CDC42BPA: variants seen among roughly 807,000 people sequenced by gnomAD.
The protein encoded by CDC42BPA is serine/threonine-protein kinase MRCK alpha.
CDC42BPA carries 80 observed loss-of-function variants against 223.5 expected under a neutral mutation model. That is an observed-to-expected ratio of 0.36 (90% CI 0.30 to 0.43). The LOEUF (loss-of-function observed/expected upper bound fraction) is 0.43, where lower values mean the gene tolerates loss of function less well. Among genes scored for constraint, CDC42BPA ranks in the 20% least tolerant of loss-of-function variants. The probability of loss-of-function intolerance (pLI) is 1.00; values close to 1 mark genes in which losing one functional copy is unlikely to be tolerated. For synonymous variants in CDC42BPA, 694 were observed against 718.6 expected, an observed-to-expected ratio of 0.97 and a Z score of 0.55; for missense variants, 1,743 against 2,099.9, an observed-to-expected ratio of 0.83 and a Z score of 3.32.
chr1:227,005,222 A>G (rs986124945), intron 34 of CDC42BPA, 111 bp from the exon 35 acceptor site: 3 of 758,576 alleles, frequency 4.0e-6, no homozygotes, highest in Non-Finnish European at 6.9e-6. Flanking sequence ...CTTGACCAGA[A>G]TGACACAGAG....
chr1:227,302,370 T>G (rs1469487700), intron 1 of CDC42BPA, among the ~76,000 whole-genome samples: 1 of 152,192 alleles, frequency 6.6e-6, no homozygotes, highest in African/African-American at 2.4e-5. Context: ...AATGTCCTTA[T>G]CCCGCCCTCA....
At chr1:227,061,699 A>G (rs1262913459) in intron 21 of CDC42BPA, among the ~76,000 whole-genome samples, 1 of 152,190 alleles carries the variant, frequency 6.6e-6, no homozygotes, top group East Asian at 1.9e-4. Flanking sequence ...CTGCTCTTCT[A>G]GTTTTTCTGA....
At chr1:227,235,997 C>T (rs1376360189) in intron 2 of CDC42BPA, among the ~76,000 whole-genome samples, 3 of 152,162 alleles carry the variant, frequency 2.0e-5, no homozygotes, top group South Asian at 2.1e-4. Context: ...CTCCTGGGGT[C>T]CCTGAATCAG....
In CDC42BPA at chr1:227,037,629, C is replaced by T. The variant is rs1002593047; in HGVS notation, c.3200-2022G>A. Among the ~76,000 whole-genome samples the T allele has an allele frequency of 6.6e-5, 10 of 152,276 alleles. No individual in the cohort carries two copies. In the East Asian group the frequency reaches 9.6e-4, roughly 15 times the overall value. Reference sequence around the variant, plus strand: ...AACACATGCATCTGATGGGGATGGGCTACATTTCCTTTAAGGTCCCTTCCC... The same window carrying T: ...AACACATGCATCTGATGGGGATGGGTTACATTTCCTTTAAGGTCCCTTCCC... On this transcript the variant is annotated intron_variant, in intron 24 of 36. Transcript: ENST00000366766.
At chr1:227,267,752 C>T (rs976683610) in intron 1 of CDC42BPA, among the ~76,000 whole-genome samples, 1 of 152,184 alleles carries the variant, frequency 6.6e-6, no homozygotes, top group South Asian at 2.1e-4. Flanking sequence ...GGCAATGCCA[C>T]TTTTAAAACC....
chr1:227,060,019 A>ATTT (rs1675460660), intron 21 of CDC42BPA, among the ~76,000 whole-genome samples: 1 of 116,494 alleles, frequency 8.6e-6, no homozygotes, highest in African/African-American at 3.1e-5. Flanking sequence ...TATCTCAAAA[A>ATTT]GTTTTTTTTT....
intron 1 of CDC42BPA, among the ~76,000 whole-genome samples, chr1:227,282,435 T>C (rs1291040715): frequency 6.6e-6 from 1 of 152,224 alleles, no homozygotes; most frequent in African/African-American, 2.4e-5. Flanking sequence ...CTTCCAGTGT[T>C]TACTGTTACA....
At chr1:226,997,527 T>C (rs1463834832) in intron 35 of CDC42BPA, among the ~76,000 whole-genome samples, 1 of 152,200 alleles carries the variant, frequency 6.6e-6, no homozygotes, top group African/African-American at 2.4e-5. Context: ...CTCTAGTTCT[T>C]TTAATTGTGA....
At chr1:227,013,438 T>A (rs1001954742) in intron 34 of CDC42BPA, among the ~76,000 whole-genome samples, 4 of 151,994 alleles carry the variant, frequency 2.6e-5, no homozygotes, top group Non-Finnish European at 4.4e-5. Context: ...GAAGAAAATG[T>A]AGAGGAGGGA....
At chr1:227,186,256 C>T (rs1668757192) in intron 5 of CDC42BPA, among the ~76,000 whole-genome samples, 1 of 152,128 alleles carries the variant, frequency 6.6e-6, no homozygotes, top group Non-Finnish European at 1.5e-5. Context: ...TAGTGAATAC[C>T]AGAGAAACAT....
rs185627175 is a variant in CDC42BPA, at chr1:227,152,856, A to G, written c.694-5297T>C. Among the ~76,000 whole-genome samples the G allele has an allele frequency of 3.3e-5, 5 of 152,264 alleles. No individual in the cohort carries two copies. In the East Asian group the frequency reaches 9.6e-4, roughly 29 times the overall value. On this transcript the variant is annotated intron_variant, in intron 6 of 36. Transcript: ENST00000366766. The stretch of plus-strand genomic sequence containing the variant: ...AAAACATAAGGACGCAGGAAAGTTA[A>G]AAGTAAATGGATGGAAAGGGATATA...
chr1:227,223,298 G>A (rs1396301905), intron 2 of CDC42BPA, among the ~76,000 whole-genome samples: 1 of 152,124 alleles, frequency 6.6e-6, no homozygotes, highest in Non-Finnish European at 1.5e-5. Flanking sequence ...AGGACAATAA[G>A]CAGCTTCCTT....
intron 10 of CDC42BPA, among the ~76,000 whole-genome samples, chr1:227,138,118 T>C (rs1304840603): frequency 6.6e-6 from 1 of 152,092 alleles, no homozygotes; most frequent in Non-Finnish European, 1.5e-5. Context: ...AAATAGTCCA[T>C]TCTATTGATG....
chr1:227,170,905 A>G (rs555485569), intron 5 of CDC42BPA, among the ~76,000 whole-genome samples: 4 of 152,208 alleles, frequency 2.6e-5, no homozygotes, highest in African/African-American at 9.6e-5. Flanking sequence ...GGAGAACATA[A>G]TGTGTTACAC....
At chr1:227,137,258 A>T (rs1361617783) in intron 10 of CDC42BPA, among the ~76,000 whole-genome samples, 2 of 152,178 alleles carry the variant, frequency 1.3e-5, no homozygotes, top group African/African-American at 4.8e-5. Context: ...TAAATACATG[A>T]AAAGATATTC....
chr1:227,286,586 G>A (rs1475734109), intron 1 of CDC42BPA, among the ~76,000 whole-genome samples: 4 of 152,028 alleles, frequency 2.6e-5, no homozygotes, highest in Non-Finnish European at 5.9e-5. Context: ...ACCTCCGTAC[G>A]TTATCCAGTT....
chr1:227,220,840 T>C (rs772934782), intron 2 of CDC42BPA, among the ~76,000 whole-genome samples: 12 of 152,050 alleles, frequency 7.9e-5, no homozygotes, highest in Non-Finnish European at 1.6e-4. Flanking sequence ...ATTGAAAAAC[T>C]TTTCCAAGAC....
rs563565368 is a variant in CDC42BPA at position 227,228,527 on chromosome 1, C to A, written c.271-15308G>T. Among the ~76,000 whole-genome samples the A allele has an allele frequency of 6.5e-4, 99 of 152,292 alleles. 1 individual carries two copies. Among genetic ancestry groups the A allele is most frequent in the African/African-American group, 2.2e-3 (93 of 41,570 alleles). On this transcript the variant is annotated intron_variant, in intron 2 of 36. Transcript: ENST00000366766. ...TTTGTGTGTACCTACATTTTCAATT[C>A]TCTTGCGTTTGTACACATGTCGGAG...
intron 9 of CDC42BPA, among the ~76,000 whole-genome samples, chr1:227,140,922 C>T (rs1312463445): frequency 6.6e-6 from 1 of 152,056 alleles, no homozygotes; most frequent in Non-Finnish European, 1.5e-5. Flanking sequence ...AAAGACTGAG[C>T]CATAGGACAC....
Sources: allele counts gnomAD v4.1 joint callset (sites outside exome capture counted in the v4.1 genomes callset), GRCh38; gene constraint gnomAD v4.1.1; transcripts MANE v1.5; gene names NCBI Gene and HGNC (gene_info 2026-07-23, HGNC 2026-07-21).